Variants in PPP2R5B observed in about 807,000 individuals in gnomAD.
PPP2R5B encodes protein phosphatase 2 regulatory subunit B'beta, also known as serine/threonine-protein phosphatase 2A 56 kDa regulatory subunit beta isoform.
In PPP2R5B, 19 loss-of-function variants were observed where a neutral mutation model predicts 59.9. That is an observed-to-expected ratio of 0.32 (90% confidence interval 0.22 to 0.47). The LOEUF (loss-of-function observed/expected upper bound fraction) is 0.47, where lower values mean the gene tolerates loss of function less well. PPP2R5B is among the 20% of genes least tolerant of loss of function. The probability of loss-of-function intolerance (pLI) is 1.00; values close to 1 mark genes in which losing one functional copy is unlikely to be tolerated. For synonymous variants in PPP2R5B, 286 were observed against 260.5 expected (o/e 1.10, Z -0.94); for missense variants, 441 against 640.2 (o/e 0.69, Z 3.36).
Position 64,932,840 on chromosome 11 carries a change from C to T in PPP2R5B, c.1192C>T (p.Leu398=), listed in dbSNP as rs1293229298. The part of the protein sequence containing the change: ...SLIEDNCHTV[L]PAVFGTLYQV... ...CATTGAGGACAACTGCCACACTGTG[C>T]TGCCTGCTGTGTTTGGGACCCTCTA... Residue 398 remains leucine, a synonymous_variant, in exon 12 of 14, where the codon CTG becomes TTG. Coordinates refer to ENST00000164133, the MANE Select transcript of PPP2R5B (RefSeq NM_006244.4). 6.2e-7 allele frequency: 1 copy of T among 1,614,176 alleles called. No individual in the cohort carries two copies. The highest frequency in any genetic ancestry group is 1.7e-5 in the Admixed American group (1 of 60,002).
chr11:64,925,857 C>T lies in PPP2R5B; in HGVS notation c.123C>T (p.Pro41=). Residue 41 remains proline (P), a synonymous_variant, in exon 2 of 14, where the codon CCC becomes CCT. Transcript: ENST00000164133. The surrounding 1 kb of genome is among the most constrained non-coding windows in gnomAD (Gnocchi z 4.6). ...GCCGTTCCCTCCGCAGAGCCCGGCCCCGCCGCTCCCACAGCTCCTCTCAGT... is the reference window on the plus strand; with the variant it reads ...GCCGTTCCCTCCGCAGAGCCCGGCCTCGCCGCTCCCACAGCTCCTCTCAGT... ...FSRRSLRRAR[P]RRSHSSSQFR... 1 of 1,611,702 alleles carries T rather than the reference C, an allele frequency of 6.2e-7. No homozygotes were observed.
intron 6 of PPP2R5B, among the ~76,000 whole-genome samples, chr11:64,929,688 T>C (rs750818297): frequency 1.3e-5 from 2 of 152,200 alleles, no homozygotes; most frequent in Non-Finnish European, 2.9e-5. Context: ...ATTGCGCCAC[T>C]GCACTCCTGC....
At chr11:64,929,019 G>A (rs145814435) in intron 6 of PPP2R5B, among the ~76,000 whole-genome samples, 1 of 152,264 alleles carries the variant, frequency 6.6e-6, no homozygotes, top group African/African-American at 2.4e-5. Flanking sequence ...AAAGGCTCCT[G>A]GGCTGCAGGG....
intron 2 of PPP2R5B, 35 bp from the exon 3 acceptor site, chr11:64,926,677 T>A (rs777774386): frequency 1.2e-6 from 2 of 1,607,522 alleles, no homozygotes; most frequent in African/African-American, 2.7e-5. Context: ...CTGGGGGAGC[T>A]GGGGCCCAGG....
chr11:64,933,577 CA>C, intron 13 of PPP2R5B, 119 bp from the exon 14 acceptor site: 1 of 1,305,112 alleles, frequency 7.7e-7, no homozygotes. Flanking sequence ...AGTCACAGAA[CA>C]AAAATGGTTC....
At chr11:64,933,308 G>A in intron 13 of PPP2R5B, 62 bp downstream of exon 13, 1 of 1,424,978 alleles carries the variant, frequency 7.0e-7, no homozygotes, top group South Asian at 1.2e-5. Flanking sequence ...AGACCCCCAT[G>A]GCTGGAGGGA....
chr11:64,932,625 C>T, intron 11 of PPP2R5B, 140 bp from the exon 12 acceptor site: 1 of 1,053,714 alleles, frequency 9.5e-7, no homozygotes, highest in Non-Finnish European at 1.4e-6. Flanking sequence ...CTGTTGCTTC[C>T]TCCAGGGCTC....
upstream of PPP2R5B, among the ~76,000 whole-genome samples, chr11:64,921,754 CAG>C (rs1945111755): frequency 6.6e-6 from 1 of 152,328 alleles, no homozygotes; most frequent in African/African-American, 2.4e-5. Flanking sequence ...GCCAGGAGAA[CAG>C]GGGGATCTGG....
At chr11:64,927,284 G>A (rs112822230) in intron 3 of PPP2R5B, among the ~76,000 whole-genome samples, 40 of 152,332 alleles carry the variant, frequency 2.6e-4, no homozygotes, top group African/African-American at 9.1e-4. Context: ...CACCTGCCTA[G>A]AAGGCAGGGA....
chr11:64,925,728 G>C lies in PPP2R5B; in HGVS notation c.-7G>C. On this transcript the variant is annotated 5_prime_UTR_variant, in exon 2 of 14. Coordinates refer to ENST00000164133, the MANE Select transcript of PPP2R5B (RefSeq NM_006244.4). This position sits in a 1 kb window ranked among gnomAD's most constrained non-coding sequence, Gnocchi z 4.6. ...GCTCTGAAAGCTTGCCCTGCCGCCTGACCGCCATGGAGACGAAGCTGCCCC... is the reference window on the plus strand; with the variant it reads ...GCTCTGAAAGCTTGCCCTGCCGCCTCACCGCCATGGAGACGAAGCTGCCCC... 6.3e-7 allele frequency: 1 copy of C among 1,581,012 alleles called. No homozygotes were observed.
rs778639563 is a variant in PPP2R5B at position 64,931,899 on chromosome 11, A to G, written c.1116+31A>G. On this transcript the variant is annotated intron_variant, in intron 11 of 13. Transcript: ENST00000164133. The surrounding 1 kb of genome is among the most constrained non-coding windows in gnomAD (Gnocchi z 5.0). ...AGGCAGGACAGGCGGGGATGGGAGC[A>G]GGGCTGGCCTGGAAAGGTTGGGTAG... The G allele has an allele frequency of 6.8e-6, 11 of 1,607,464 alleles. No homozygotes were observed. The East Asian group carries it at 2.5e-4, about 36-fold the overall frequency.
In PPP2R5B at chr11:64,925,627, A is replaced by T; in HGVS notation, c.-108A>T. ...GACTGTGGTTGTGCCCCCCCCCCAA[A>T]GGCCGGACAGGATGGGACCAAGTTA... On this transcript the variant is annotated 5_prime_UTR_variant, in exon 2 of 14. In the 5' UTR this introduces an upstream ATG that the reference lacks. Coordinates refer to ENST00000164133, the MANE Select transcript of PPP2R5B (RefSeq NM_006244.4). The surrounding 1 kb of genome is among the most constrained non-coding windows in gnomAD (Gnocchi z 4.6). 1 of 367,196 alleles carries T rather than the reference A, an allele frequency of 2.7e-6. No homozygotes were observed. The highest frequency in any genetic ancestry group is 4.7e-6 in the Non-Finnish European group (1 of 210,830). The allele number at this position is 367,196 out of a possible 1,614,324, so 22.7% of individuals were successfully genotyped here.
chr11:64,927,472 G>C (rs576961866), intron 3 of PPP2R5B, among the ~76,000 whole-genome samples: 237 of 152,286 alleles, frequency 1.6e-3, no homozygotes, highest in African/African-American at 5.3e-3. Context: ...CCAGCACTTT[G>C]GGCCAAGGCG....
chr11:64,933,757 A>G lies in PPP2R5B; in HGVS notation c.1407A>G (p.Leu469=), dbSNP rs1398840947. The G allele has an allele frequency of 6.4e-7, 1 of 1,556,356 alleles. No individual in the cohort carries two copies. Among genetic ancestry groups the G allele is most frequent in the East Asian group, 2.4e-5 (1 of 41,378 alleles). The change falls in exon 14 of 14, where the codon CTA becomes CTG. Residue 469 remains leucine (L), a synonymous_variant. Transcript: ENST00000164133. ...ELWQGLEELR[L]RRLQGTQGAK... Reference sequence around the variant, plus strand: ...GGCAAGGTCTGGAGGAGCTGCGGCTACGCCGGCTACAGGGGACCCAGGGGG... The same window carrying G: ...GGCAAGGTCTGGAGGAGCTGCGGCTGCGCCGGCTACAGGGGACCCAGGGGG...
upstream of PPP2R5B, among the ~76,000 whole-genome samples, chr11:64,923,703 A>G (rs1945130184): frequency 6.6e-6 from 1 of 152,170 alleles, no homozygotes; most frequent in Admixed American, 6.5e-5. Context: ...AAAGGCCCCT[A>G]GTCCCCTCCC....
intron 4 of PPP2R5B, 72 bp from the exon 5 acceptor site, chr11:64,927,994 G>T: frequency 6.4e-7 from 1 of 1,570,030 alleles, no homozygotes; most frequent in East Asian, 2.2e-5. Flanking sequence ...ACAGTTGGAT[G>T]AGGGCCATAG....
At chr11:64,930,425 G>A (rs1945216087) in intron 7 of PPP2R5B, 44 bp downstream of exon 7, 1 of 1,613,678 alleles carries the variant, frequency 6.2e-7, no homozygotes. Context: ...ATTCTGGAAG[G>A]AGGGACTGGG....
chr11:64,927,808 G>A lies in PPP2R5B; in HGVS notation c.403G>A (p.Val135Met), dbSNP rs1251706894. 4 of 1,602,844 alleles carry A rather than the reference G, an allele frequency of 2.5e-6. No individual in the cohort carries two copies. Among genetic ancestry groups the A allele is most frequent in the Non-Finnish European group, 2.6e-6 (3 of 1,169,814 alleles). ...VYPDIIRMIS[V>M]NIFRTLPPSE... ...CCCCAACTCTGCCACTCAGATCTCA[G>A]TGAATATCTTCCGGACTCTGCCGCC... Residue 135 changes from valine to methionine, a missense_variant, in exon 4 of 14, where the codon GTG becomes ATG. By Grantham distance (21) the Val-to-Met change is conservative. Coordinates refer to ENST00000164133, the MANE Select transcript of PPP2R5B (RefSeq NM_006244.4).
rs1358424604 is a variant in PPP2R5B, at chr11:64,930,473, C to T, written c.783-8C>T. 2 of 1,613,984 alleles carry T rather than the reference C, an allele frequency of 1.2e-6. No homozygotes were observed. The highest frequency in any genetic ancestry group is 8.5e-7 in the Non-Finnish European group (1 of 1,179,950). On this transcript the variant is annotated splice_polypyrimidine_tract_variant and splice_region_variant and intron_variant, in intron 7 of 13. Transcript: ENST00000164133. ...GAGCCCTCTTCCTCTCTTCTGCCTC[C>T]TCCTCAGCATCATCAATGGCTTTGC...
Sources: gnomAD v4.1 joint callset for allele counts (sites outside exome capture counted in the v4.1 genomes callset) on GRCh38, gnomAD v4.1.1 for gene constraint, Gnocchi (gnomAD v3.1) non-coding constraint, MANE v1.5 for transcripts, NCBI Gene and HGNC (gene_info 2026-07-23, HGNC 2026-07-21) for gene names.